DCAF6: variants seen among roughly 807,000 people sequenced by gnomAD.
DCAF6 encodes DDB1 and CUL4 associated factor 6, also known as DDB1- and CUL4-associated factor 6.
Under a neutral mutation model 125.1 loss-of-function variants are expected in DCAF6, and 54 were observed. The observed-to-expected ratio is 0.43, with a 90% CI of 0.35 to 0.54. The LOEUF (loss-of-function observed/expected upper bound fraction) is 0.54, where lower values mean the gene tolerates loss of function less well. DCAF6 is among the 20% of genes least tolerant of loss of function. The pLI, the probability that DCAF6 is intolerant of heterozygous loss-of-function variation, is 0.01. For synonymous variants in DCAF6, 371 were observed against 390.4 expected, an observed-to-expected ratio of 0.95 and a Z score of 0.58; for missense variants, 934 against 1,161.7, an observed-to-expected ratio of 0.80 and a Z score of 2.85.
chr1:167,868,011 T>C, the DCAF6 span, among the ~76,000 whole-genome samples: 1 of 152,214 alleles, frequency 6.6e-6, no homozygotes, highest in East Asian at 1.9e-4. Flanking sequence ...AAAAAAGAAG[T>C]ACACGTATCT....
chr1:167,977,595 G>A, intron 4 of DCAF6, among the ~76,000 whole-genome samples: 1 of 151,402 alleles, frequency 6.6e-6, no homozygotes, highest in East Asian at 1.9e-4. Flanking sequence ...TTTTATACTT[G>A]GGATTTGTTG....
intron 18 of DCAF6, chr1:168,064,018 T>G (rs1691967430): frequency 4.8e-6 from 1 of 209,190 alleles, no homozygotes; most frequent in South Asian, 1.5e-4. Context: ...TGCTTTTGTT[T>G]TTTTTTTTTT....
upstream of DCAF6, among the ~76,000 whole-genome samples, chr1:167,933,752 C>T (rs1670979936): frequency 6.6e-6 from 1 of 152,154 alleles, no homozygotes; most frequent in South Asian, 2.1e-4. Flanking sequence ...CATCAGTCAA[C>T]GTATTTTTCA....
the DCAF6 span, chr1:167,905,044 G>A: frequency 1.4e-5 from 23 of 1,614,086 alleles, no homozygotes; most frequent in Admixed American, 3.3e-5. Context: ...ATAAAGGGTC[G>A]CTCTGGGGAG....
the DCAF6 span, chr1:167,901,749 T>C: frequency 2.6e-5 from 42 of 1,614,170 alleles, 1 homozygote; most frequent in South Asian, 4.2e-4. Flanking sequence ...ATTACCACTG[T>C]GATAATGTTT....
intron 10 of DCAF6, among the ~76,000 whole-genome samples, chr1:168,009,703 C>G (rs1171126705): frequency 6.6e-6 from 1 of 152,028 alleles, no homozygotes; most frequent in Admixed American, 6.6e-5. Context: ...TTCCTTGAGT[C>G]TCAGCTCAAA....
Position 167,982,386 on chromosome 1 carries a change from C to T in DCAF6, c.439-5109C>T, listed in dbSNP as rs767292399. 2.2e-4 allele frequency among the ~76,000 whole-genome samples: 33 copies of T among 152,148 alleles called. No individual in the cohort carries two copies. The South Asian group carries it at 2.7e-3, about 12-fold the overall frequency. ...CCTCCTGAGTAGCTGGGACTATAGG[C>T]GCATGCAACCACGCCCAGCTAATAT... On this transcript the variant is annotated intron_variant, in intron 4 of 21. Transcript: ENST00000367840.
chr1:167,962,662 T>TAGA (rs1463636678), intron 2 of DCAF6, among the ~76,000 whole-genome samples: 2 of 152,160 alleles, frequency 1.3e-5, no homozygotes, highest in Non-Finnish European at 2.9e-5. Context: ...ACAGTCTCTG[T>TAGA]CTTAATTTTT....
At chr1:167,924,464 T>C in the DCAF6 span, 1 of 1,579,990 alleles carries the variant, frequency 6.3e-7, no homozygotes, top group South Asian at 1.1e-5. Flanking sequence ...GGAATTTGTC[T>C]TTCAGTAGCT....
chr1:167,973,391 G>A (rs1037732514), intron 3 of DCAF6, among the ~76,000 whole-genome samples: 1 of 152,202 alleles, frequency 6.6e-6, no homozygotes, highest in African/African-American at 2.4e-5. Context: ...AGCTGTCTGT[G>A]AAGTGGCATG....
intron 2 of DCAF6, among the ~76,000 whole-genome samples, chr1:167,952,374 C>T (rs143556392): frequency 0.013 from 1,962 of 151,998 alleles, 42 homozygotes; most frequent in African/African-American, 0.045. Context: ...CCTGCCACCA[C>T]GCCTGGCTAA....
rs371598030 is a variant in DCAF6 at position 168,035,289 on chromosome 1, T to TA, written c.1610-3081dup. On this transcript the variant is annotated intron_variant, in intron 12 of 21. Coordinates refer to ENST00000367840, the MANE Select transcript of DCAF6 (RefSeq NM_001198956.2). ...GGCAAAACCCTGTTTCTACAAAAGTTACTACAAATTAGCCAGGTGTGATGG... is the reference window on the plus strand; with the variant it reads ...GGCAAAACCCTGTTTCTACAAAAGTTAACTACAAATTAGCCAGGTGTGATGG... 5.7e-4 allele frequency among the ~76,000 whole-genome samples: 86 copies of TA among 152,188 alleles called. 1 individual carries two copies. Among genetic ancestry groups the TA allele is most frequent in the African/African-American group, 2.0e-3 (82 of 41,538 alleles).
At chr1:167,901,569 T>G in the DCAF6 span, 2 of 1,317,708 alleles carry the variant, frequency 1.5e-6, no homozygotes, top group Non-Finnish European at 2.2e-6. Context: ...TGAGCCACCA[T>G]GTTCTACTAC....
the DCAF6 span, among the ~76,000 whole-genome samples, chr1:167,864,338 A>G: frequency 6.6e-6 from 1 of 152,184 alleles, no homozygotes; most frequent in East Asian, 1.9e-4. Flanking sequence ...CGGTGTTACT[A>G]TGACACTAGA....
chr1:167,891,923 A>G, the DCAF6 span, among the ~76,000 whole-genome samples: 3 of 151,860 alleles, frequency 2.0e-5, no homozygotes, highest in African/African-American at 4.8e-5. Context: ...TATTCTTTTT[A>G]TAAAAGAGAT....
At chr1:167,940,415 C>G (rs1430046860) in intron 1 of DCAF6, among the ~76,000 whole-genome samples, 1 of 151,712 alleles carries the variant, frequency 6.6e-6, no homozygotes, top group African/African-American at 2.4e-5. Flanking sequence ...TTTGCTCTGT[C>G]TCCCAGGCTG....
the DCAF6 span, among the ~76,000 whole-genome samples, chr1:167,900,569 G>A: frequency 4.0e-5 from 6 of 151,284 alleles, no homozygotes; most frequent in Non-Finnish European, 5.9e-5. Flanking sequence ...TTTCACGCTT[G>A]TTGCCCAGGC....
At chr1:167,901,742 A>T in the DCAF6 span, 1 of 1,614,130 alleles carries the variant, frequency 6.2e-7, no homozygotes, top group East Asian at 2.2e-5. Flanking sequence ...ACATTTAATT[A>T]CCACTGTGAT....
At chr1:168,063,826 G>T in intron 18 of DCAF6, 67 bp downstream of exon 18, 1 of 1,477,712 alleles carries the variant, frequency 6.8e-7, no homozygotes, top group East Asian at 2.4e-5. Flanking sequence ...TTTCCATAAT[G>T]ATTTATCTTC....
Sources: allele counts gnomAD v4.1 joint callset (sites outside exome capture counted in the v4.1 genomes callset), GRCh38; gene constraint gnomAD v4.1.1; transcripts MANE v1.5; gene names NCBI Gene and HGNC (gene_info 2026-07-23, HGNC 2026-07-21).